FRY: variants seen among roughly 807,000 people sequenced by gnomAD.
The protein encoded by FRY is protein furry homolog.
In FRY, 128 loss-of-function variants were observed where a neutral mutation model predicts 348.4. That is an observed-to-expected ratio of 0.37 (90% CI 0.32 to 0.43). FRY has a LOEUF of 0.43. Among genes scored for constraint, FRY ranks in the 20% least tolerant of loss-of-function variants. The probability of loss-of-function intolerance (pLI) is 1.00; values close to 1 mark genes in which losing one functional copy is unlikely to be tolerated. For missense variants in FRY, 2,736 were observed against 3,695.2 expected, an observed-to-expected ratio of 0.74 and a Z score of 6.73; for synonymous variants, 1,370 against 1,374.7, an observed-to-expected ratio of 1.00 and a Z score of 0.08.
chr13:32,149,450 T>C (rs765417863), intron 13 of FRY, among the ~76,000 whole-genome samples: 26 of 91,762 alleles, frequency 2.8e-4, no homozygotes, highest in Non-Finnish European at 4.3e-4. Flanking sequence ...CCCCAAGTGT[T>C]TGGTTATTTG....
chr13:32,062,460 T>C (rs1874000720), intron 1 of FRY, among the ~76,000 whole-genome samples: 2 of 152,266 alleles, frequency 1.3e-5, no homozygotes, highest in African/African-American at 4.8e-5. Flanking sequence ...GTACAGTTAG[T>C]AAAGTTTTAG....
chr13:32,151,952 C>T (rs992698717), intron 14 of FRY, among the ~76,000 whole-genome samples: 18 of 151,992 alleles, frequency 1.2e-4, no homozygotes, highest in African/African-American at 4.1e-4. Context: ...CTGTAGGATA[C>T]AAGAGAAATA....
rs369558162 is a variant in FRY at position 32,178,451 on chromosome 13, T to C, written c.2681+15T>C. 1.9e-6 allele frequency: 3 copies of C among 1,613,782 alleles called. No homozygotes were observed. In the African/African-American group the frequency reaches 4.0e-5, roughly 22 times the overall value. On this transcript the variant is annotated intron_variant, in intron 21 of 60. Coordinates refer to ENST00000542859, the MANE Select transcript of FRY (RefSeq NM_023037.3). The stretch of plus-strand genomic sequence containing the variant: ...GTGGACCCAAAGTAAGGGATTCTTG[T>C]GTTTTCCTCTGCCCTCTTGTTTTTC...
chr13:32,288,572 C>T (rs1889185309), intron 58 of FRY, among the ~76,000 whole-genome samples: 1 of 152,204 alleles, frequency 6.6e-6, no homozygotes, highest in Admixed American at 6.5e-5. Flanking sequence ...CTTGTGATTT[C>T]TCTCCTTAAA....
chr13:32,105,757 CATACAGTTGGT>C (rs1451324536), intron 3 of FRY, among the ~76,000 whole-genome samples: 2 of 152,128 alleles, frequency 1.3e-5, no homozygotes, highest in Non-Finnish European at 2.9e-5. Context: ...CTTTGAACAA[CATACAGTTGGT>C]TCCTGTTTAA....
In FRY at chr13:32,085,046, G is replaced by A. The variant is rs146257735; in HGVS notation, c.270+6013G>A. On this transcript the variant is annotated intron_variant, in intron 2 of 60. Transcript: ENST00000542859. ...TATTGGAACCTGTGTGTTTCCAGAG[G>A]TCATCTTGCCAACTCTAAACTAATA... Among the ~76,000 whole-genome samples the A allele has an allele frequency of 4.3e-4, 66 of 152,218 alleles. No individual in the cohort carries two copies. In the East Asian group the frequency reaches 0.011, roughly 25 times the overall value.
intron 11 of FRY, among the ~76,000 whole-genome samples, chr13:32,138,606 G>A (rs1488169195): frequency 2.0e-5 from 3 of 152,132 alleles, no homozygotes; most frequent in African/African-American, 7.2e-5. Flanking sequence ...ATATCCCTGT[G>A]CAAACTTTTC....
At chr13:32,045,789 C>T (rs1872988465) in intron 1 of FRY, among the ~76,000 whole-genome samples, 1 of 152,110 alleles carries the variant, frequency 6.6e-6, no homozygotes, top group Non-Finnish European at 1.5e-5. Flanking sequence ...ACTACAAACA[C>T]AATTTAAGTT....
intron 58 of FRY, among the ~76,000 whole-genome samples, chr13:32,280,401 C>A (rs1888752369): frequency 6.6e-6 from 1 of 152,128 alleles, no homozygotes; most frequent in Admixed American, 6.6e-5. Flanking sequence ...TAGATTTTCA[C>A]TGAATAACCT....
chr13:32,061,124 T>C, intron 1 of FRY: 1 of 533,420 alleles, frequency 1.9e-6, no homozygotes, highest in Non-Finnish European at 3.8e-6. Context: ...AACTGCTTGT[T>C]GGAGACGATC....
chr13:32,290,822 G>T (rs1889304710), intron 59 of FRY, among the ~76,000 whole-genome samples: 1 of 151,922 alleles, frequency 6.6e-6, no homozygotes, highest in Admixed American at 6.6e-5. Context: ...ACTAATGGGG[G>T]GATGAAGGAG....
chr13:32,136,990 C>G lies in FRY; in HGVS notation c.1179+18C>G. 7.5e-7 allele frequency: 1 copy of G among 1,333,920 alleles called. No individual in the cohort carries two copies. The highest frequency in any genetic ancestry group is 1.1e-6 in the Non-Finnish European group (1 of 923,974). 82.6% of individuals were successfully genotyped at this position (1,333,920 alleles called of 1,614,324 possible). ...ACCTTAAAGTTAGTATTTGTCAGCT[C>G]AAAAACGATCTCTTTAAAAAATTTA... On this transcript the variant is annotated intron_variant, in intron 11 of 60. Transcript: ENST00000542859.
chr13:32,261,653 G>A lies in FRY; in HGVS notation c.7454G>A (p.Arg2485Lys), dbSNP rs1365697849. 2 of 1,614,086 alleles carry A rather than the reference G, an allele frequency of 1.2e-6. No homozygotes were observed. The highest frequency in any genetic ancestry group is 1.7e-6 in the Non-Finnish European group (2 of 1,180,036). Residue 2485 changes from arginine (R) to lysine (K), a missense_variant, in exon 52 of 61, where the codon AGA becomes AAA. Arg to Lys is a conservative substitution (Grantham distance 26). Coordinates refer to ENST00000542859, the MANE Select transcript of FRY (RefSeq NM_023037.3). Reference protein sequence around the residue: ...SMDNFNWGVRRRSLDSLDKCD... With the variant: ...SMDNFNWGVRKRSLDSLDKCD... ...GACAATTTCAACTGGGGAGTGCGCA[G>A]ACGTTCTCTGGACAGCCTGGATAAG...
At chr13:32,122,359 T>A (rs113792896) in intron 4 of FRY, among the ~76,000 whole-genome samples, 20 of 150,742 alleles carry the variant, frequency 1.3e-4, no homozygotes, top group African/African-American at 4.9e-4. Flanking sequence ...GGGATAATGG[T>A]GTGAACCCGG....
intron 1 of FRY, among the ~76,000 whole-genome samples, chr13:32,070,013 G>A (rs559721851): frequency 2.4e-4 from 36 of 152,074 alleles, no homozygotes; most frequent in Middle Eastern, 6.8e-3. Context: ...GGTTTCCACC[G>A]TCATCCATGT....
At chr13:32,154,253 AT>A (rs945123581) in intron 14 of FRY, among the ~76,000 whole-genome samples, 7 of 152,212 alleles carry the variant, frequency 4.6e-5, no homozygotes, top group African/African-American at 1.7e-4. Context: ...TACACGGATT[AT>A]TTTTTAAAGT....
rs1361364395 is a variant in FRY, at chr13:32,070,535, A to G, written c.71-8299A>G. On this transcript the variant is annotated intron_variant, in intron 1 of 60. Coordinates refer to ENST00000542859, the MANE Select transcript of FRY (RefSeq NM_023037.3). ...CTTCTTTTGAGACGTGTCTGTTCAT[A>G]TCCTTTGCCCATTTTTTGATGGGTT... 2.8e-5 allele frequency among the ~76,000 whole-genome samples: 4 copies of G among 145,442 alleles called. No homozygotes were observed. In the East Asian group the frequency reaches 7.9e-4, roughly 29 times the overall value.
intron 33 of FRY, 36 bp from the exon 34 acceptor site, chr13:32,210,830 T>C: frequency 6.3e-7 from 1 of 1,591,366 alleles, no homozygotes; most frequent in Non-Finnish European, 8.6e-7. Context: ...GACTAGGCTC[T>C]GTGAAACATC....
rs145933069 is a variant in FRY at position 32,202,395 on chromosome 13, G to A, written c.3886G>A (p.Ala1296Thr). 1.2e-5 allele frequency: 19 copies of A among 1,613,912 alleles called. No homozygotes were observed. The East Asian group carries it at 1.6e-4, about 13-fold the overall frequency. ...GCTTTTTGTATACTCAAAGAAAGTC[G>A]CTGAGCAAAGACCGGGAAGTATTCT... ...AKLFVYSKKV[A>T]EQRPGSILYG... Residue 1296 changes from alanine to threonine, a missense_variant, in exon 31 of 61, where the codon GCT (alanine) becomes ACT (threonine). Ala to Thr is a moderately conservative substitution (Grantham distance 58). Coordinates refer to ENST00000542859, the MANE Select transcript of FRY (RefSeq NM_023037.3).
Sources: gnomAD v4.1 joint callset for allele counts (sites outside exome capture counted in the v4.1 genomes callset) on GRCh38, gnomAD v4.1.1 for gene constraint, MANE v1.5 for transcripts, NCBI Gene and HGNC (gene_info 2026-07-23, HGNC 2026-07-21) for gene names.